RAPGEF2: variants seen among roughly 807,000 people sequenced by gnomAD.
The protein encoded by RAPGEF2 is Rap guanine nucleotide exchange factor 2.
In RAPGEF2, 54 loss-of-function variants were observed where a neutral mutation model predicts 186.7. The ratio of observed to expected loss-of-function variants is 0.29; its 90% CI spans 0.23 to 0.36. The LOEUF (loss-of-function observed/expected upper bound fraction) is 0.36. Among genes scored for constraint, RAPGEF2 ranks in the 10% least tolerant of loss-of-function variants. The pLI is 1.00. For missense variants in RAPGEF2, 1,532 were observed against 2,045.0 expected (o/e 0.75, Z 4.84); for synonymous variants, 712 against 705.9 (o/e 1.01, Z -0.14).
intron 4 of RAPGEF2, among the ~76,000 whole-genome samples, chr4:159,212,820 C>A (rs1260832003): frequency 6.6e-6 from 1 of 152,136 alleles, no homozygotes. Flanking sequence ...AACCCTAGAA[C>A]AGTGAAGAAG....
intron 1 of RAPGEF2, among the ~76,000 whole-genome samples, chr4:159,174,960 C>T: frequency 6.6e-6 from 1 of 152,060 alleles, no homozygotes; most frequent in Non-Finnish European, 1.5e-5. Flanking sequence ...ATGGGTCTCA[C>T]TGTGTTTCCC....
intron 3 of RAPGEF2, 50 bp from the exon 4 acceptor site, chr4:159,210,447 TTTG>T (rs1021398472): frequency 1.3e-5 from 16 of 1,265,760 alleles, no homozygotes; most frequent in Admixed American, 1.0e-4. Context: ...GTTTTAATTT[TTTG>T]TTGTTGTTGT....
chr4:159,353,059 C>T lies in RAPGEF2; in HGVS notation c.4091+149C>T. 1.3e-6 allele frequency: 1 copy of T among 751,200 alleles called. No individual in the cohort carries two copies. The highest frequency in any genetic ancestry group is 2.1e-6 in the Non-Finnish European group (1 of 468,674). The allele number at this position is 751,200 out of a possible 1,614,324, so 46.5% of individuals were successfully genotyped here. On this transcript the variant is annotated intron_variant, in intron 27 of 29. Coordinates refer to ENST00000691494, the MANE Select transcript of RAPGEF2 (RefSeq NM_001394067.2). The surrounding 1 kb of genome is among the most constrained non-coding windows in gnomAD (Gnocchi z 4.3). ...CCAGTTCTGATTTTCACAATTTCTA[C>T]ACTAAGTATCATGTTATTTTTGTTA...
intron 1 of RAPGEF2, among the ~76,000 whole-genome samples, chr4:159,138,268 C>T (rs1741938686): frequency 6.6e-6 from 1 of 152,074 alleles, no homozygotes; most frequent in Non-Finnish European, 1.5e-5. Flanking sequence ...GGTATCTATA[C>T]CTAAAACATC....
chr4:159,125,985 C>G (rs927517094), intron 1 of RAPGEF2, among the ~76,000 whole-genome samples: 1 of 152,082 alleles, frequency 6.6e-6, no homozygotes, highest in African/African-American at 2.4e-5. Flanking sequence ...TAGAAAAATG[C>G]TAATGAAAAA....
At chr4:159,321,058 T>C (rs918617612) in intron 9 of RAPGEF2, among the ~76,000 whole-genome samples, 2 of 152,190 alleles carry the variant, frequency 1.3e-5, no homozygotes, top group South Asian at 2.1e-4. Context: ...AAACTATGAC[T>C]TAGGGAAGTT....
At chr4:159,339,063 C>T in intron 18 of RAPGEF2, 51 bp from the exon 19 acceptor site, 1 of 1,573,236 alleles carries the variant, frequency 6.4e-7, no homozygotes, top group Non-Finnish European at 8.6e-7. Flanking sequence ...AATTGCATTG[C>T]CATATATTAA....
At chr4:159,257,679 A>G (rs1361452395) in intron 7 of RAPGEF2, among the ~76,000 whole-genome samples, 1 of 152,252 alleles carries the variant, frequency 6.6e-6, no homozygotes, top group African/African-American at 2.4e-5. Flanking sequence ...CATTTATTAA[A>G]TAGGAAATGT....
intron 1 of RAPGEF2, among the ~76,000 whole-genome samples, chr4:159,123,062 T>G (rs1560985028): frequency 6.6e-6 from 1 of 152,248 alleles, no homozygotes; most frequent in Non-Finnish European, 1.5e-5. Flanking sequence ...TTTCTTTAGC[T>G]TATTTGTTGT....
In RAPGEF2 at chr4:159,323,629, A is replaced by G; in HGVS notation, c.1149+12A>G. On this transcript the variant is annotated intron_variant, in intron 11 of 29. Coordinates refer to ENST00000691494, the MANE Select transcript of RAPGEF2 (RefSeq NM_001394067.2). ...TGGATGACTGCCAGGTATAAAATAT[A>G]TCATTAAAAATATATATTTTATTCT... 7.1e-7 allele frequency: 1 copy of G among 1,415,656 alleles called. No individual in the cohort carries two copies. The highest frequency in any genetic ancestry group is 1.5e-5 in the African/African-American group (1 of 67,114). The allele number at this position is 1,415,656 out of a possible 1,614,324, so 87.7% of individuals were successfully genotyped here. A position where few individuals can be genotyped will look rare whatever the true frequency, so the allele number is the denominator to read the frequency against.
intron 9 of RAPGEF2, 80 bp downstream of exon 9, chr4:159,314,848 G>A: frequency 7.8e-7 from 1 of 1,283,644 alleles, no homozygotes; most frequent in East Asian, 2.5e-5. Context: ...TAGAGCCCAA[G>A]ACTAGTAGGC....
chr4:159,218,492 G>A (rs1047829699), intron 4 of RAPGEF2, among the ~76,000 whole-genome samples: 3 of 151,898 alleles, frequency 2.0e-5, no homozygotes, highest in Non-Finnish European at 4.4e-5. Flanking sequence ...GCAGTGGCTC[G>A]TGCCTGTAAT....
chr4:159,160,035 T>C (rs1028006096), intron 1 of RAPGEF2, among the ~76,000 whole-genome samples: 8 of 152,252 alleles, frequency 5.3e-5, no homozygotes, highest in African/African-American at 9.6e-5. Context: ...TGAATTCATA[T>C]TAATTGGACA....
rs762048491 is a variant in RAPGEF2 at position 159,238,858 on chromosome 4, G to A, written c.331G>A (p.Val111Ile). 6.6e-7 allele frequency: 1 copy of A among 1,520,844 alleles called. No individual in the cohort carries two copies. The highest frequency in any genetic ancestry group is 8.8e-7 in the Non-Finnish European group (1 of 1,142,278). 94.2% of individuals were successfully genotyped at this position (1,520,844 alleles called of 1,614,324 possible). Residue 111 changes from valine (V) to isoleucine (I), a missense_variant, in exon 5 of 30, where the codon GTT (valine) becomes ATT (isoleucine). Coordinates refer to ENST00000691494, the MANE Select transcript of RAPGEF2 (RefSeq NM_001394067.2). ...TTTTAGGCGTGGCTGTGAATGCATT[G>A]TTTTAGAGCCTTCTGAAATGATTGT... ...GSFRRGCECI[V>I]LEPSEMIVVD...
At chr4:159,215,164 G>T (rs1018090809) in intron 4 of RAPGEF2, among the ~76,000 whole-genome samples, 2 of 150,798 alleles carry the variant, frequency 1.3e-5, no homozygotes, top group Non-Finnish European at 2.9e-5. Context: ...CCAGTTTTTT[G>T]TTGTTGTTGT....
chr4:159,171,675 G>A (rs991240485), intron 1 of RAPGEF2, among the ~76,000 whole-genome samples: 4 of 127,902 alleles, frequency 3.1e-5, no homozygotes, highest in Non-Finnish European at 4.8e-5. Flanking sequence ...TAAAAGGAGT[G>A]TCTCTTAAAT....
chr4:159,332,359 C>G, intron 16 of RAPGEF2, 92 bp from the exon 17 acceptor site: 1 of 1,340,258 alleles, frequency 7.5e-7, no homozygotes. Flanking sequence ...GTCTGTACTT[C>G]TCATATATTT....
chr4:159,108,945 C>G (rs1174671226), intron 1 of RAPGEF2, among the ~76,000 whole-genome samples: 1 of 151,996 alleles, frequency 6.6e-6, no homozygotes, highest in Admixed American at 6.6e-5. Context: ...TCATGAAGTC[C>G]TGGGCAGAAG....
In RAPGEF2 at chr4:159,198,253, TTTCTTTCTCTTTCTTTCC is replaced by T. The variant is rs1274161360; in HGVS notation, c.197+5006_197+5023del. Among the ~76,000 whole-genome samples the T allele has an allele frequency of 5.0e-3, 560 of 112,008 alleles. 25 individuals carry two copies. The highest frequency in any genetic ancestry group is 6.5e-3 in the Non-Finnish European group (352 of 54,152). 73.5% of individuals were successfully genotyped at this position (112,008 alleles called of 152,430 possible). A position where few individuals can be genotyped will look rare whatever the true frequency, so the allele number is the denominator to read the frequency against. ...TTTCTTTTCTTTCTTTCTTCCTTTC[TTTCTTTCTCTTTCTTTCC>T]TTCTTTCTTTCTTTCTTTCTTTCTT... On this transcript the variant is annotated intron_variant, in intron 3 of 29. Coordinates refer to ENST00000691494, the MANE Select transcript of RAPGEF2 (RefSeq NM_001394067.2).
Sources: gnomAD v4.1 joint callset for allele counts (sites outside exome capture counted in the v4.1 genomes callset) on GRCh38, gnomAD v4.1.1 for gene constraint, Gnocchi (gnomAD v3.1) non-coding constraint, MANE v1.5 for transcripts, NCBI Gene and HGNC (gene_info 2026-07-23, HGNC 2026-07-21) for gene names.